The following BAALC variants were observed in gnomAD, a reference collection of about 807,000 sequenced individuals.
The protein encoded by BAALC is BAALC binder of MAP3K1 and KLF4.
In BAALC, 9 loss-of-function variants were observed where a neutral mutation model predicts 15.5. The observed-to-expected ratio is 0.58, with a 90% confidence interval of 0.35 to 1.02. The LOEUF is 1.02. Ranked by LOEUF, BAALC falls within the 50% of genes least tolerant of loss-of-function variation. The probability of loss-of-function intolerance (pLI) is 0.02; values close to 1 mark genes in which losing one functional copy is unlikely to be tolerated. For synonymous variants in BAALC, 80 were observed against 74.6 expected, an observed-to-expected ratio of 1.07 and a Z score of -0.37; for missense variants, 201 against 192.4, an observed-to-expected ratio of 1.04 and a Z score of -0.27.
At chr8:103,172,002 A>G (rs993244857) in intron 1 of BAALC, 4 of 152,288 alleles carry the variant, frequency 2.6e-5, no homozygotes, top group Admixed American at 2.6e-4. Flanking sequence ...GCCTTGGCTT[A>G]GAATTGTTAG....
At chr8:103,177,336 C>A (rs1811630147) in intron 1 of BAALC, among the ~76,000 whole-genome samples, 1 of 152,020 alleles carries the variant, frequency 6.6e-6, no homozygotes, top group African/African-American at 2.4e-5. Flanking sequence ...TGGTGTGCAC[C>A]ACCACTCCCA....
At chr8:103,185,956 T>C (rs539885277) in intron 1 of BAALC, among the ~76,000 whole-genome samples, 10 of 152,326 alleles carry the variant, frequency 6.6e-5, no homozygotes, top group African/African-American at 2.4e-4. Context: ...CTTGTTCATA[T>C]GAAACATTAT....
At chr8:103,208,291 T>G (rs1261950740) in intron 1 of BAALC, 1 of 152,212 alleles carries the variant, frequency 6.6e-6, no homozygotes. Context: ...ATTTAATAGA[T>G]GAGGAAGTCT....
intron 1 of BAALC, among the ~76,000 whole-genome samples, chr8:103,202,626 T>C (rs1180469822): frequency 6.6e-6 from 1 of 152,228 alleles, no homozygotes; most frequent in East Asian, 1.9e-4. Flanking sequence ...AGAGAAGTGT[T>C]TTGAGCAATT....
intron 1 of BAALC, among the ~76,000 whole-genome samples, chr8:103,168,699 T>C (rs1185798106): frequency 6.6e-6 from 1 of 152,116 alleles, no homozygotes; most frequent in Admixed American, 6.5e-5. Context: ...GCATACCTCT[T>C]GGCCTTGACT....
chr8:103,144,358 C>T (rs970463043), intron 1 of BAALC, among the ~76,000 whole-genome samples: 8 of 152,194 alleles, frequency 5.3e-5, no homozygotes, highest in Admixed American at 3.3e-4. Flanking sequence ...TTGACTGTTA[C>T]GTAGGCTAGA....
chr8:103,142,650 T>G (rs1409009538), intron 1 of BAALC, among the ~76,000 whole-genome samples: 1 of 152,178 alleles, frequency 6.6e-6, no homozygotes, highest in Admixed American at 6.5e-5. Context: ...TAAGTACAGC[T>G]TTAAGAAATG....
intron 2 of BAALC, among the ~76,000 whole-genome samples, chr8:103,226,913 A>G (rs1181176530): frequency 6.6e-6 from 1 of 152,216 alleles, no homozygotes; most frequent in Non-Finnish European, 1.5e-5. Flanking sequence ...AAACTTGCCC[A>G]TAGTGAAATC....
chr8:103,223,265 G>A (rs1166559838), intron 2 of BAALC, among the ~76,000 whole-genome samples: 2 of 152,174 alleles, frequency 1.3e-5, no homozygotes, highest in Non-Finnish European at 2.9e-5. Context: ...CAAAGATTGA[G>A]CCACTGCACT....
In BAALC at chr8:103,197,959, C is replaced by T. The variant is rs765995622; in HGVS notation, c.161-14960C>T. 991 of 564,130 alleles carry T rather than the reference C, an allele frequency of 1.8e-3. 3 individuals carry two copies. The highest frequency in any genetic ancestry group is 2.8e-3 in the East Asian group (95 of 33,694). The allele number at this position is 564,130 out of a possible 1,614,324, so 34.9% of individuals were successfully genotyped here. A position where few individuals can be genotyped will look rare whatever the true frequency, so the allele number is the denominator to read the frequency against. On this transcript the variant is annotated intron_variant, in intron 1 of 2. Coordinates refer to ENST00000309982, the MANE Select transcript of BAALC (RefSeq NM_024812.3). The stretch of plus-strand genomic sequence containing the variant: ...AAAACTATATCAGCCTTCATCCCAA[C>T]GATGCCCAGTCTTTCCTTTTAAACA...
intron 2 of BAALC, among the ~76,000 whole-genome samples, chr8:103,224,345 G>T (rs899221186): frequency 7.0e-6 from 1 of 142,152 alleles, no homozygotes; most frequent in African/African-American, 2.6e-5. Context: ...ATTTTAGGGA[G>T]GCATGAGACA....
At chr8:103,148,937 T>C (rs898924231) in intron 1 of BAALC, among the ~76,000 whole-genome samples, 1 of 152,252 alleles carries the variant, frequency 6.6e-6, no homozygotes. Context: ...TTGCATTTAC[T>C]ATATGTGAGA....
intron 1 of BAALC, among the ~76,000 whole-genome samples, chr8:103,195,380 G>A (rs1292611585): frequency 6.6e-6 from 1 of 152,172 alleles, no homozygotes; most frequent in Non-Finnish European, 1.5e-5. Context: ...TGAGGAGAAG[G>A]TATTTCTCCT....
chr8:103,221,765 T>C (rs1270109149), intron 2 of BAALC, among the ~76,000 whole-genome samples: 1 of 152,216 alleles, frequency 6.6e-6, no homozygotes, highest in Non-Finnish European at 1.5e-5. Flanking sequence ...GCTTGAAATC[T>C]AAGGTTTTTG....
chr8:103,209,689 T>C (rs917041866), intron 1 of BAALC, among the ~76,000 whole-genome samples: 6 of 152,164 alleles, frequency 3.9e-5, no homozygotes, highest in African/African-American at 1.4e-4. Context: ...TTACTTTGTG[T>C]GATTAATACA....
intron 2 of BAALC, among the ~76,000 whole-genome samples, chr8:103,214,019 A>G (rs924613232): frequency 2.6e-5 from 4 of 152,220 alleles, no homozygotes; most frequent in Non-Finnish European, 4.4e-5. Context: ...TATGAGATAA[A>G]GAAGCCGGGT....
intron 1 of BAALC, among the ~76,000 whole-genome samples, chr8:103,209,393 G>A (rs748098809): frequency 1.6e-4 from 24 of 152,084 alleles, no homozygotes; most frequent in Non-Finnish European, 3.1e-4. Flanking sequence ...GGCAACATCT[G>A]TATGGCACAC....
intron 1 of BAALC, among the ~76,000 whole-genome samples, chr8:103,181,542 G>A (rs1451705638): frequency 6.6e-6 from 1 of 152,138 alleles, no homozygotes; most frequent in East Asian, 1.9e-4. Context: ...AAAGTGCTGG[G>A]ATTACAGGTG....
intron 1 of BAALC, among the ~76,000 whole-genome samples, chr8:103,196,708 G>A (rs1397336651): frequency 6.6e-6 from 1 of 152,172 alleles, no homozygotes; most frequent in African/African-American, 2.4e-5. Flanking sequence ...AAGGTCTGCA[G>A]CACCCTGGCT....
Sources: gnomAD v4.1 joint callset for allele counts (sites outside exome capture counted in the v4.1 genomes callset) on GRCh38, gnomAD v4.1.1 for gene constraint, MANE v1.5 for transcripts, NCBI Gene and HGNC (gene_info 2026-07-23, HGNC 2026-07-21) for gene names.